GPC5: variants seen among roughly 807,000 people sequenced by gnomAD.
The protein encoded by GPC5 is glypican-5.
A neutral mutation model predicts 53.9 loss-of-function variants in GPC5; 47 were observed. The ratio of observed to expected loss-of-function variants is 0.87; its 90% CI spans 0.69 to 1.11. The LOEUF (loss-of-function observed/expected upper bound fraction) is 1.11. GPC5 is among the 50% of genes most tolerant of loss of function. The probability of loss-of-function intolerance (pLI) is 0.00; values close to 1 mark genes in which losing one functional copy is unlikely to be tolerated. For synonymous variants in GPC5, 286 were observed against 263.3 expected (o/e 1.09, Z -0.84); for missense variants, 748 against 713.1 (o/e 1.05, Z -0.56).
intron 7 of GPC5, among the ~76,000 whole-genome samples, chr13:92,481,349 C>T (rs1454591362): frequency 1.3e-5 from 2 of 152,140 alleles, no homozygotes; most frequent in Non-Finnish European, 2.9e-5. Flanking sequence ...GATCCGCCCA[C>T]CTTGGCCTCC....
chr13:91,837,796 G>A (rs1055708566), intron 5 of GPC5, among the ~76,000 whole-genome samples: 2 of 152,144 alleles, frequency 1.3e-5, no homozygotes, highest in African/African-American at 4.8e-5. Flanking sequence ...TAATATGGCT[G>A]AGGATGAATC....
chr13:92,130,065 A>G (rs1355789565), intron 6 of GPC5, among the ~76,000 whole-genome samples: 1 of 152,146 alleles, frequency 6.6e-6, no homozygotes, highest in Admixed American at 6.5e-5. Context: ...AGTAAGTAAA[A>G]GAGCACAGAT....
At chr13:91,510,753 A>T (rs1885193215) in intron 2 of GPC5, among the ~76,000 whole-genome samples, 1 of 151,704 alleles carries the variant, frequency 6.6e-6, no homozygotes, top group South Asian at 2.1e-4. Context: ...CTATTTTTAG[A>T]TTTTTGCTAA....
intron 7 of GPC5, among the ~76,000 whole-genome samples, chr13:92,667,126 C>T (rs1329346290): frequency 2.6e-5 from 4 of 152,164 alleles, no homozygotes; most frequent in Non-Finnish European, 5.9e-5. Context: ...AAGTACCTCT[C>T]TGATCTACTG....
chr13:92,596,618 C>A (rs111314216), intron 7 of GPC5, among the ~76,000 whole-genome samples: 1 of 151,966 alleles, frequency 6.6e-6, no homozygotes, highest in Non-Finnish European at 1.5e-5. Context: ...GGACAACATG[C>A]GCACGCCACC....
intron 7 of GPC5, among the ~76,000 whole-genome samples, chr13:92,697,229 G>C (rs557915827): frequency 1.3e-5 from 2 of 152,220 alleles, no homozygotes; most frequent in South Asian, 4.1e-4. Context: ...TTCCAATTCT[G>C]TGAAGAAAGT....
At chr13:92,333,217 AC>A (rs1209590093) in intron 7 of GPC5, among the ~76,000 whole-genome samples, 2 of 152,122 alleles carry the variant, frequency 1.3e-5, no homozygotes, top group East Asian at 3.9e-4. Context: ...CAGGAACTCT[AC>A]CCACTTCTCT....
chr13:92,371,576 G>A (rs954622240), intron 7 of GPC5, among the ~76,000 whole-genome samples: 1 of 152,156 alleles, frequency 6.6e-6, no homozygotes, highest in East Asian at 1.9e-4. Flanking sequence ...GCATAGCTGG[G>A]AAGGACTCAG....
intron 7 of GPC5, among the ~76,000 whole-genome samples, chr13:92,310,644 GA>G (rs1411539443): frequency 2.6e-5 from 4 of 152,168 alleles, no homozygotes; most frequent in Admixed American, 2.6e-4. Context: ...CCATATCATA[GA>G]AAGGGATAGG....
chr13:91,452,489 G>C (rs893589677), intron 2 of GPC5, among the ~76,000 whole-genome samples: 18 of 152,052 alleles, frequency 1.2e-4, no homozygotes, highest in Non-Finnish European at 2.4e-4. Context: ...CATTTTCAGG[G>C]GCTTAGTAAT....
chr13:92,768,542 C>G (rs1345149785), intron 7 of GPC5, among the ~76,000 whole-genome samples: 1 of 152,134 alleles, frequency 6.6e-6, no homozygotes, highest in African/African-American at 2.4e-5. Context: ...GCACTGGGTT[C>G]AAGCATGACA....
chr13:91,499,589 A>G (rs1260204347), intron 2 of GPC5, among the ~76,000 whole-genome samples: 2 of 152,200 alleles, frequency 1.3e-5, no homozygotes, highest in African/African-American at 4.8e-5. Context: ...GTTTTTTAAA[A>G]TAACTCCTGC....
chr13:91,456,938 A>G (rs1881601125), intron 2 of GPC5, among the ~76,000 whole-genome samples: 1 of 151,510 alleles, frequency 6.6e-6, no homozygotes, highest in African/African-American at 2.4e-5. Flanking sequence ...AAAGTAGGGT[A>G]TTTCCCTATT....
At chr13:91,556,280 A>T (rs1490878079) in intron 2 of GPC5, among the ~76,000 whole-genome samples, 1 of 151,924 alleles carries the variant, frequency 6.6e-6, no homozygotes, top group Non-Finnish European at 1.5e-5. Flanking sequence ...GTTGAGTACC[A>T]TAGTTTTTTT....
chr13:92,839,382 C>A (rs546597241), intron 7 of GPC5, among the ~76,000 whole-genome samples: 1 of 152,060 alleles, frequency 6.6e-6, no homozygotes, highest in Non-Finnish European at 1.5e-5. Context: ...TTTTGTTGTA[C>A]AGATTATCTC....
chr13:92,562,153 T>G (rs993908812), intron 7 of GPC5, among the ~76,000 whole-genome samples: 1 of 152,146 alleles, frequency 6.6e-6, no homozygotes, highest in East Asian at 1.9e-4. Context: ...AACACAGCAA[T>G]AGTTATCAAG....
intron 5 of GPC5, among the ~76,000 whole-genome samples, chr13:91,841,814 T>A (rs1033389527): frequency 2.6e-5 from 4 of 152,160 alleles, no homozygotes; most frequent in African/African-American, 9.7e-5. Context: ...ACTGACAAAC[T>A]ATTTCAGTGA....
chr13:92,441,633 G>A (rs775750495), intron 7 of GPC5, among the ~76,000 whole-genome samples: 2 of 152,066 alleles, frequency 1.3e-5, no homozygotes, highest in African/African-American at 2.4e-5. Flanking sequence ...ACCAAGGAGG[G>A]GAAAGATCTC....
chr13:92,308,925 A>C (rs1219368372), intron 7 of GPC5, among the ~76,000 whole-genome samples: 1 of 152,142 alleles, frequency 6.6e-6, no homozygotes, highest in Non-Finnish European at 1.5e-5. Context: ...TGTGTGATCC[A>C]TCTTTAAAGG....
Sources: allele counts gnomAD v4.1 joint callset (sites outside exome capture counted in the v4.1 genomes callset), GRCh38; gene constraint gnomAD v4.1.1; transcripts MANE v1.5; gene names NCBI Gene and HGNC (gene_info 2026-07-23, HGNC 2026-07-21).